Variants in CSMD3 observed in about 807,000 individuals in gnomAD.
The protein encoded by CSMD3 is CUB and sushi domain-containing protein 3.
Under a neutral mutation model 435.2 loss-of-function variants are expected in CSMD3, and 177 were observed. That is an observed-to-expected ratio of 0.41 (90% CI 0.36 to 0.46). CSMD3 has a LOEUF of 0.46. CSMD3 is among the 20% of genes least tolerant of loss of function. CSMD3 has a pLI of 0.34. For missense variants in CSMD3, 4,265 were observed against 4,504.6 expected (o/e 0.95, Z 1.52); for synonymous variants, 1,656 against 1,520.5 (o/e 1.09, Z -2.07).
At chr8:112,685,235 T>G (rs543457141) in intron 15 of CSMD3, among the ~76,000 whole-genome samples, 171 bp downstream of exon 15, 1 of 152,086 alleles carries the variant, frequency 6.6e-6, no homozygotes, top group South Asian at 2.1e-4. Context: ...TAATAGAGAG[T>G]AAAATGTGAT....
At chr8:113,111,454 T>C (rs532382885) in intron 4 of CSMD3, among the ~76,000 whole-genome samples, 1 of 152,264 alleles carries the variant, frequency 6.6e-6, no homozygotes, top group South Asian at 2.1e-4. Flanking sequence ...TTCTAGTTTA[T>C]CTGAAACTTT....
At chr8:112,226,828 T>C (rs1812605369) in intron 70 of CSMD3, among the ~76,000 whole-genome samples, 1 of 151,904 alleles carries the variant, frequency 6.6e-6, no homozygotes, top group South Asian at 2.1e-4. Flanking sequence ...ATTATGAAAA[T>C]GGAAATCAAA....
chr8:112,609,133 C>T (rs1352941457), intron 22 of CSMD3, among the ~76,000 whole-genome samples: 5 of 126,172 alleles, frequency 4.0e-5, no homozygotes, highest in Admixed American at 1.0e-4. Flanking sequence ...ACCTGGGAGG[C>T]GGAGGTTGCA....
chr8:112,902,363 G>A (rs775818640), intron 10 of CSMD3, among the ~76,000 whole-genome samples: 7 of 151,222 alleles, frequency 4.6e-5, no homozygotes, highest in Non-Finnish European at 7.4e-5. Flanking sequence ...GTTCAAGGCC[G>A]TGCTTGTCAA....
chr8:112,265,252 A>G (rs1200315544), intron 60 of CSMD3, among the ~76,000 whole-genome samples, 159 bp downstream of exon 60: 1 of 151,924 alleles, frequency 6.6e-6, no homozygotes, highest in Non-Finnish European at 1.5e-5. Flanking sequence ...TCTATATATT[A>G]AAATAAAATT....
chr8:112,703,119 T>C (rs553956936), intron 13 of CSMD3, among the ~76,000 whole-genome samples: 1 of 152,310 alleles, frequency 6.6e-6, no homozygotes, highest in African/African-American at 2.4e-5. Context: ...GAGGTTGGGA[T>C]TTCTTTAATA....
At position 112,802,234 on chromosome 8, in the gene CSMD3, A is replaced by G. The variant is rs536536154; in HGVS notation, c.1860-1960T>C. Among the ~76,000 whole-genome samples, 20 of 152,130 alleles carry G rather than the reference A, an allele frequency of 1.3e-4. No individual in the cohort carries two copies. The East Asian group carries it at 3.7e-3, about 28-fold the overall frequency. ...TATAAGTTCCATTTATTTTAGATGT[A>G]TCAAAATATTTTAATAGTTAAATGA... On this transcript the variant is annotated intron_variant, in intron 12 of 70. Transcript: ENST00000297405.
intron 9 of CSMD3, among the ~76,000 whole-genome samples, chr8:112,946,443 T>C (rs1387003068): frequency 6.6e-6 from 1 of 151,776 alleles, no homozygotes; most frequent in Non-Finnish European, 1.5e-5. Context: ...CGTCAGGTTT[T>C]GGAGTCTGCA....
chr8:113,298,065 A>G lies in CSMD3; in HGVS notation c.401+16506T>C, dbSNP rs542030730. 2.0e-5 allele frequency among the ~76,000 whole-genome samples: 3 copies of G among 152,258 alleles called. No individual in the cohort carries two copies. The South Asian group carries it at 6.2e-4, about 31-fold the overall frequency. On this transcript the variant is annotated intron_variant, in intron 2 of 70. Coordinates refer to ENST00000297405, the MANE Select transcript of CSMD3 (RefSeq NM_198123.2). ...AATATTAGCTGTGTGAACTTGCACA[A>G]TGTCAAATAATAGAGAATAGTAAGA...
chr8:112,673,104 A>G (rs2075694535), intron 16 of CSMD3, among the ~76,000 whole-genome samples: 1 of 151,998 alleles, frequency 6.6e-6, no homozygotes, highest in Admixed American at 6.6e-5. Context: ...CCTTCTGTGG[A>G]GTTGTTCTTG....
At chr8:112,580,808 G>T (rs1385608526) in intron 23 of CSMD3, among the ~76,000 whole-genome samples, 1 of 152,014 alleles carries the variant, frequency 6.6e-6, no homozygotes, top group Non-Finnish European at 1.5e-5. Flanking sequence ...AACAGATAAT[G>T]CCCTAGGACA....
At chr8:112,315,863 T>A (rs1212967432) in intron 47 of CSMD3, among the ~76,000 whole-genome samples, 1 of 151,894 alleles carries the variant, frequency 6.6e-6, no homozygotes, top group Admixed American at 6.6e-5. Flanking sequence ...AGAGCAGCAC[T>A]TTAAGAAGAA....
chr8:112,596,987 G>C (rs1376337757), intron 22 of CSMD3, among the ~76,000 whole-genome samples: 1 of 152,102 alleles, frequency 6.6e-6, no homozygotes, highest in African/African-American at 2.4e-5. Flanking sequence ...ACATTCAAAA[G>C]CTAGCAGAAA....
chr8:113,098,550 T>C (rs2090234382), intron 5 of CSMD3: 4 of 573,548 alleles, frequency 7.0e-6, no homozygotes, highest in Middle Eastern at 4.7e-4. Context: ...CTTTTATTTG[T>C]TTATACAAGT....
rs12549227 is a variant in CSMD3, at chr8:112,998,395, T to G, written c.1030+20672A>C. On this transcript the variant is annotated intron_variant, in intron 6 of 70. Coordinates refer to ENST00000297405, the MANE Select transcript of CSMD3 (RefSeq NM_198123.2). ...TGCTCGCCTGAACCATTATTTTCTC[T>G]TATTCTATATGGTCATTTCCATCAC... is the stretch of plus-strand genomic sequence containing the variant. Among the ~76,000 whole-genome samples the G allele has an allele frequency of 2.9e-3, 438 of 152,032 alleles. 4 individuals carry two copies. The East Asian group carries it at 0.033, about 11-fold the overall frequency.
intron 4 of CSMD3, among the ~76,000 whole-genome samples, chr8:113,107,223 C>T (rs62519760): frequency 0.33 from 50,562 of 152,018 alleles, 9,235 homozygotes; most frequent in East Asian, 0.69. Flanking sequence ...CAGGCAGGGC[C>T]TGATCCATGG....
intron 23 of CSMD3, among the ~76,000 whole-genome samples, chr8:112,581,173 A>G (rs901234092): frequency 6.6e-6 from 1 of 152,082 alleles, no homozygotes. Context: ...TTTTATTATT[A>G]TCAGAATGTT....
At position 112,318,829 on chromosome 8, in the gene CSMD3, T is replaced by C. The variant is rs375442262; in HGVS notation, c.7360+8A>G. The C allele has an allele frequency of 4.4e-6, 7 of 1,576,712 alleles. No homozygotes were observed. The African/African-American group carries it at 5.4e-5, about 12-fold the overall frequency. ...AAGAAATAAATAATCATAGGAACCA[T>C]TGAATACCTTGACAAACTGGAGGTG... On this transcript the variant is annotated splice_region_variant and intron_variant, in intron 47 of 70. Transcript: ENST00000297405.
intron 6 of CSMD3, among the ~76,000 whole-genome samples, chr8:112,976,742 T>A (rs2084863360): frequency 6.6e-6 from 1 of 152,132 alleles, no homozygotes; most frequent in African/African-American, 2.4e-5. Flanking sequence ...CCTTAGAATT[T>A]ATCAAGTTTT....
Sources: allele counts gnomAD v4.1 joint callset (sites outside exome capture counted in the v4.1 genomes callset), GRCh38; gene constraint gnomAD v4.1.1; transcripts MANE v1.5; gene names NCBI Gene and HGNC (gene_info 2026-07-23, HGNC 2026-07-21).